Variants in ADGRL3 observed in about 807,000 individuals in gnomAD.
ADGRL3 encodes the protein adhesion G protein-coupled receptor L3, also known as calcium-independent alpha-latrotoxin receptor 3.
A neutral mutation model predicts 153.5 loss-of-function variants in ADGRL3; 62 were observed. The ratio of observed to expected loss-of-function variants is 0.40; its 90% CI spans 0.33 to 0.50. The LOEUF (loss-of-function observed/expected upper bound fraction) is 0.50, where lower values mean the gene tolerates loss of function less well. Among genes scored for constraint, ADGRL3 ranks in the 20% least tolerant of loss-of-function variants. The pLI is 0.47. For synonymous variants in ADGRL3, 710 were observed against 672.5 expected (o/e 1.06, Z -0.86); for missense variants, 1,641 against 1,859.4 (o/e 0.88, Z 2.16).
intron 8 of ADGRL3, among the ~76,000 whole-genome samples, chr4:61,778,921 G>A (rs1260783112): frequency 4.6e-5 from 7 of 152,054 alleles, no homozygotes; most frequent in South Asian, 4.1e-4. Context: ...AGCTGGGCAC[G>A]GTGGTGGGCA....
chr4:61,801,349 T>G (rs903562271), intron 8 of ADGRL3, among the ~76,000 whole-genome samples: 12 of 152,066 alleles, frequency 7.9e-5, no homozygotes, highest in Admixed American at 4.6e-4. Flanking sequence ...CTCCAGCACC[T>G]GATGTAAAAT....
intron 2 of ADGRL3, among the ~76,000 whole-genome samples, chr4:61,480,487 C>T (rs551741866): frequency 1.3e-5 from 2 of 151,860 alleles, no homozygotes; most frequent in East Asian, 1.9e-4. Flanking sequence ...AATTAAATAA[C>T]AGTTTAAAAA....
intron 9 of ADGRL3, among the ~76,000 whole-genome samples, chr4:61,863,745 T>C (rs2098372758): frequency 6.6e-6 from 1 of 152,194 alleles, no homozygotes; most frequent in African/African-American, 2.4e-5. Flanking sequence ...TAACTTTTTA[T>C]TGGCAACAAA....
chr4:61,506,453 A>T (rs1205885153), intron 3 of ADGRL3, among the ~76,000 whole-genome samples: 7 of 152,124 alleles, frequency 4.6e-5, no homozygotes, highest in Admixed American at 4.6e-4. Context: ...TTGTACACAC[A>T]TCCCATCATT....
intron 2 of ADGRL3, among the ~76,000 whole-genome samples, chr4:61,398,259 T>A (rs1297205997): frequency 6.6e-6 from 1 of 151,570 alleles, no homozygotes. Flanking sequence ...AAGAAAAAAA[T>A]GATGATTTTT....
intron 2 of ADGRL3, among the ~76,000 whole-genome samples, chr4:61,391,200 G>C (rs1017655910): frequency 6.6e-6 from 1 of 152,120 alleles, no homozygotes; most frequent in Non-Finnish European, 1.5e-5. Flanking sequence ...GCATGGCCCC[G>C]GCATCTGTTC....
chr4:61,778,647 T>C (rs992054106), intron 8 of ADGRL3, among the ~76,000 whole-genome samples: 11 of 152,222 alleles, frequency 7.2e-5, no homozygotes, highest in African/African-American at 2.7e-4. Flanking sequence ...GTGGGTATAT[T>C]CATCGAACCT....
At chr4:61,252,464 A>G (rs1462778320) in intron 1 of ADGRL3, among the ~76,000 whole-genome samples, 1 of 152,206 alleles carries the variant, frequency 6.6e-6, no homozygotes. Context: ...CAAATAAGTG[A>G]TTCAAATTTT....
chr4:61,866,684 G>A (rs914235849), intron 9 of ADGRL3, among the ~76,000 whole-genome samples: 1 of 152,068 alleles, frequency 6.6e-6, no homozygotes, highest in Non-Finnish European at 1.5e-5. Flanking sequence ...CATAATGAAG[G>A]AACTCCTCAT....
At chr4:61,246,468 T>G (rs2149384982) in intron 1 of ADGRL3, among the ~76,000 whole-genome samples, 1 of 152,148 alleles carries the variant, frequency 6.6e-6, no homozygotes, top group South Asian at 2.1e-4. Flanking sequence ...ATTTAAAAAT[T>G]TACAGGAGTT....
intron 8 of ADGRL3, among the ~76,000 whole-genome samples, chr4:61,794,354 AT>A (rs1308208641): frequency 6.6e-6 from 1 of 152,076 alleles, no homozygotes; most frequent in Non-Finnish European, 1.5e-5. Context: ...TGTCTTTAGT[AT>A]TTTTTTCACT....
chr4:62,068,041 G>A lies in ADGRL3; in HGVS notation c.3815-125G>A, dbSNP rs1577756680. 2.1e-5 allele frequency: 11 copies of A among 532,276 alleles called. No individual in the cohort carries two copies. In the East Asian group the frequency reaches 3.4e-4, roughly 16 times the overall value. The allele number at this position is 532,276 out of a possible 1,614,324, so 33.0% of individuals were successfully genotyped here. On this transcript the variant is annotated intron_variant, in intron 25 of 26. Transcript: ENST00000683033. ...CCAGACTCATGAATTTTGGGGCAGT[G>A]GAAATTATTTCCTTTGACTCTTTTT... is the stretch of plus-strand genomic sequence containing the variant.
At chr4:61,247,572 C>A (rs955030250) in intron 1 of ADGRL3, among the ~76,000 whole-genome samples, 1 of 151,928 alleles carries the variant, frequency 6.6e-6, no homozygotes, top group African/African-American at 2.4e-5. Flanking sequence ...CTCCTCACCC[C>A]GAATGGTAAT....
intron 1 of ADGRL3, among the ~76,000 whole-genome samples, chr4:61,355,609 T>C (rs556003374): frequency 4.1e-5 from 6 of 144,854 alleles, no homozygotes; most frequent in African/African-American, 1.5e-4. Context: ...GACAGACATG[T>C]GACTGAGCCC....
chr4:62,021,127 A>G (rs1200279466), intron 21 of ADGRL3, among the ~76,000 whole-genome samples: 2 of 151,966 alleles, frequency 1.3e-5, no homozygotes, highest in African/African-American at 4.8e-5. Flanking sequence ...TTTTCCTACA[A>G]CCCCTTTTTT....
chr4:61,716,437 G>C (rs773900860), intron 6 of ADGRL3, among the ~76,000 whole-genome samples: 10 of 152,162 alleles, frequency 6.6e-5, no homozygotes, highest in Non-Finnish European at 1.2e-4. Context: ...AGATAAATAC[G>C]TACCGATTTT....
chr4:61,766,501 A>T (rs574970615), intron 8 of ADGRL3, among the ~76,000 whole-genome samples: 1 of 152,248 alleles, frequency 6.6e-6, no homozygotes, highest in Admixed American at 6.5e-5. Flanking sequence ...ATGCCTAGGA[A>T]GGAAAGGAGT....
intron 25 of ADGRL3, among the ~76,000 whole-genome samples, chr4:62,060,126 C>T (rs904760228): frequency 6.6e-6 from 1 of 151,980 alleles, no homozygotes; most frequent in African/African-American, 2.4e-5. Context: ...GAGTCATCTG[C>T]TTCTTCCTTG....
chr4:62,074,369 A>G lies in ADGRL3; in HGVS notation c.*3461A>G, dbSNP rs906986250. 2 of 152,092 alleles carry G rather than the reference A, an allele frequency of 1.3e-5. No individual in the cohort carries two copies. Among genetic ancestry groups the G allele is most frequent in the African/African-American group, 2.4e-5 (1 of 41,428 alleles). The allele number at this position is 152,092 out of a possible 1,614,324, so 9.4% of individuals were successfully genotyped here. On this transcript the variant is annotated 3_prime_UTR_variant, in exon 27 of 27. Transcript: ENST00000683033. The stretch of plus-strand genomic sequence containing the variant: ...TTTTCCTCTTTGAAATCTAGTTCAC[A>G]TGACACTTTATCAGGGACACTAGCT...
Sources: allele counts gnomAD v4.1 joint callset (sites outside exome capture counted in the v4.1 genomes callset), GRCh38; gene constraint gnomAD v4.1.1; transcripts MANE v1.5; gene names NCBI Gene and HGNC (gene_info 2026-07-23, HGNC 2026-07-21).